The following TAFA1 variants were observed in gnomAD, a reference collection of about 807,000 sequenced individuals.
TAFA1 encodes the protein chemokine-like protein TAFA-1.
TAFA1 carries 4 observed loss-of-function variants against 18.5 expected under a neutral mutation model. The observed-to-expected ratio is 0.22, with a 90% CI of 0.11 to 0.49. The LOEUF is 0.49. Ranked by LOEUF, TAFA1 falls within the 20% of genes least tolerant of loss-of-function variation. The pLI is 0.98. For synonymous variants in TAFA1, 56 were observed against 55.2 expected, an observed-to-expected ratio of 1.01 and a Z score of -0.06; for missense variants, 147 against 169.0, an observed-to-expected ratio of 0.87 and a Z score of 0.72.
At chr3:68,461,769 C>T (rs552118501) in intron 3 of TAFA1, among the ~76,000 whole-genome samples, 2 of 151,878 alleles carry the variant, frequency 1.3e-5, no homozygotes, top group African/African-American at 4.8e-5. Context: ...GGACTCAGGA[C>T]AAGACCATAG....
intron 2 of TAFA1, among the ~76,000 whole-genome samples, chr3:68,280,550 C>T (rs1405197654): frequency 2.0e-5 from 3 of 152,024 alleles, no homozygotes; most frequent in African/African-American, 7.3e-5. Flanking sequence ...CCAGCGGCTT[C>T]ACATCATTAC....
chr3:68,158,837 G>T (rs2065894116), intron 2 of TAFA1, among the ~76,000 whole-genome samples: 1 of 152,038 alleles, frequency 6.6e-6, no homozygotes, highest in African/African-American at 2.4e-5. Context: ...TGTGATGGAG[G>T]GCATTTTGCA....
At chr3:68,046,640 G>A (rs533961590) in intron 2 of TAFA1, among the ~76,000 whole-genome samples, 2 of 152,200 alleles carry the variant, frequency 1.3e-5, no homozygotes, top group East Asian at 3.9e-4. Context: ...TCATGATAAG[G>A]GTCATTCATG....
chr3:68,169,808 C>G (rs934608781), intron 2 of TAFA1, among the ~76,000 whole-genome samples: 3 of 152,140 alleles, frequency 2.0e-5, no homozygotes, highest in Non-Finnish European at 4.4e-5. Context: ...CAATTTGTAG[C>G]AAATGTTTAA....
chr3:68,041,671 C>T (rs1173291677), intron 2 of TAFA1, among the ~76,000 whole-genome samples: 1 of 152,234 alleles, frequency 6.6e-6, no homozygotes, highest in East Asian at 1.9e-4. Flanking sequence ...GCAGGACAGT[C>T]AGCCAGAGCT....
intron 2 of TAFA1, among the ~76,000 whole-genome samples, chr3:68,076,774 T>G (rs1268150615): frequency 1.3e-5 from 2 of 152,262 alleles, no homozygotes; most frequent in African/African-American, 2.4e-5. Context: ...ACATACATGT[T>G]CATGTGTCTT....
intron 1 of TAFA1, among the ~76,000 whole-genome samples, chr3:68,005,724 T>C (rs1704345702): frequency 6.6e-6 from 1 of 152,198 alleles, no homozygotes; most frequent in Non-Finnish European, 1.5e-5. Context: ...TCCCTATCAC[T>C]GGCTGAGTAA....
intron 2 of TAFA1, among the ~76,000 whole-genome samples, chr3:68,020,625 T>C (rs1704667180): frequency 6.6e-6 from 1 of 152,172 alleles, no homozygotes; most frequent in Non-Finnish European, 1.5e-5. Flanking sequence ...GCTGATAATA[T>C]TTTATTATAT....
At chr3:68,368,425 A>C (rs1427515693) in intron 2 of TAFA1, among the ~76,000 whole-genome samples, 2 of 152,166 alleles carry the variant, frequency 1.3e-5, no homozygotes, top group African/African-American at 2.4e-5. Context: ...TTATCACTAG[A>C]CCGCAAAATC....
intron 2 of TAFA1, among the ~76,000 whole-genome samples, chr3:68,347,038 C>G (rs1156261025): frequency 6.6e-6 from 1 of 151,240 alleles, no homozygotes; most frequent in Non-Finnish European, 1.5e-5. Context: ...CACTGTGATC[C>G]CACATGTAGG....
intron 2 of TAFA1, among the ~76,000 whole-genome samples, chr3:68,043,656 T>C (rs1705212164): frequency 6.6e-6 from 1 of 152,172 alleles, no homozygotes. Context: ...AGGCTAAGGC[T>C]GCTTGCAGGA....
At chr3:68,514,922 C>A (rs2072899667) in intron 3 of TAFA1, among the ~76,000 whole-genome samples, 1 of 151,338 alleles carries the variant, frequency 6.6e-6, no homozygotes, top group South Asian at 2.1e-4. Flanking sequence ...TTATTGGTAG[C>A]AATTTGGATA....
chr3:68,535,722 G>C lies in TAFA1; in HGVS notation c.260-3034G>C, dbSNP rs900998803. On this transcript the variant is annotated intron_variant, in intron 3 of 4. Transcript: ENST00000478136. The stretch of plus-strand genomic sequence containing the variant: ...CCTGAAGCACAAAATGTAACTTGAA[G>C]AGTTTATTTGAACCAAAATAAGGAT... Among the ~76,000 whole-genome samples, 3 of 152,234 alleles carry C rather than the reference G, an allele frequency of 2.0e-5. No homozygotes were observed. The South Asian group carries it at 6.2e-4, about 32-fold the overall frequency.
rs79846737 is a variant in TAFA1 at position 68,051,297 on chromosome 3, T to C, written c.118+44553T>C. 4.0e-3 allele frequency among the ~76,000 whole-genome samples: 605 copies of C among 152,262 alleles called. 1 individual carries two copies. The highest frequency in any genetic ancestry group is 0.014 in the African/African-American group (573 of 41,554). ...CCTGGCAGAACTCACTGCAATTCTA[T>C]TGGAGAAAAGACAACAGAATAGTTC... On this transcript the variant is annotated intron_variant, in intron 2 of 4. Coordinates refer to ENST00000478136, the MANE Select transcript of TAFA1 (RefSeq NM_213609.4).
At chr3:68,147,408 A>G (rs2065754728) in intron 2 of TAFA1, among the ~76,000 whole-genome samples, 1 of 151,526 alleles carries the variant, frequency 6.6e-6, no homozygotes, top group Non-Finnish European at 1.5e-5. Context: ...CCCCCTCCCA[A>G]CTTTCTGCTC....
At chr3:68,251,480 G>T (rs574790552) in intron 2 of TAFA1, among the ~76,000 whole-genome samples, 1 of 152,294 alleles carries the variant, frequency 6.6e-6, no homozygotes, top group Admixed American at 6.5e-5. Flanking sequence ...AACAGCCTAG[G>T]TGCTATGGAT....
chr3:68,341,267 C>T (rs181691004), intron 2 of TAFA1, among the ~76,000 whole-genome samples: 36 of 152,000 alleles, frequency 2.4e-4, no homozygotes, highest in African/African-American at 7.5e-4. Context: ...ACTGGTTGGT[C>T]GGGTTGGAGA....
At position 68,173,072 on chromosome 3, in the gene TAFA1, A is replaced by G. The variant is rs566603595; in HGVS notation, c.118+166328A>G. Reference sequence around the variant, plus strand: ...AAAATGGAGGGTTAGCTAAAGAGCTATAGTCCTTGAGCTCAGTACAAAAAA... The same window carrying G: ...AAAATGGAGGGTTAGCTAAAGAGCTGTAGTCCTTGAGCTCAGTACAAAAAA... On this transcript the variant is annotated intron_variant, in intron 2 of 4. Coordinates refer to ENST00000478136, the MANE Select transcript of TAFA1 (RefSeq NM_213609.4). Among the ~76,000 whole-genome samples the G allele has an allele frequency of 8.5e-5, 13 of 152,236 alleles. No individual in the cohort carries two copies. The South Asian group carries it at 2.1e-3, about 24-fold the overall frequency.
At chr3:68,409,780 C>G (rs1489642054) in intron 2 of TAFA1, among the ~76,000 whole-genome samples, 2 of 152,032 alleles carry the variant, frequency 1.3e-5, no homozygotes, top group African/African-American at 4.8e-5. Flanking sequence ...AGTTTGTAGC[C>G]CAGAGTGATC....
Sources: gnomAD v4.1 joint callset for allele counts (sites outside exome capture counted in the v4.1 genomes callset) on GRCh38, gnomAD v4.1.1 for gene constraint, MANE v1.5 for transcripts, NCBI Gene and HGNC (gene_info 2026-07-23, HGNC 2026-07-21) for gene names.